Variants in CORO2B observed in about 807,000 individuals in gnomAD.
CORO2B encodes the protein coronin 2B.
A neutral mutation model predicts 58.8 loss-of-function variants in CORO2B; 26 were observed. That is an observed-to-expected ratio of 0.44 (90% CI 0.32 to 0.61). The LOEUF is 0.61. Ranked by LOEUF, CORO2B falls within the 20% of genes least tolerant of loss-of-function variation. The probability of loss-of-function intolerance (pLI) is 0.04; values close to 1 mark genes in which losing one functional copy is unlikely to be tolerated. For missense variants in CORO2B, 460 were observed against 645.1 expected (o/e 0.71, Z 3.11); for synonymous variants, 242 against 253.8 (o/e 0.95, Z 0.44).
At chr15:68,592,542 G>A (rs1325403519) in intron 1 of CORO2B, among the ~76,000 whole-genome samples, 1 of 152,142 alleles carries the variant, frequency 6.6e-6, no homozygotes, top group Admixed American at 6.5e-5. Context: ...TAAGATTTGT[G>A]CACTGTAGGC....
chr15:68,655,034 G>A (rs915566751), intron 2 of CORO2B, among the ~76,000 whole-genome samples: 1 of 152,180 alleles, frequency 6.6e-6, no homozygotes. Context: ...CTGGGTGCCT[G>A]GAGATGGGGG....
At chr15:68,684,547 A>C (rs1193938355) in intron 2 of CORO2B, among the ~76,000 whole-genome samples, 1 of 152,236 alleles carries the variant, frequency 6.6e-6, no homozygotes, top group Admixed American at 6.5e-5. Context: ...TGTTGCGGAC[A>C]GTCACTGGAA....
intron 2 of CORO2B, among the ~76,000 whole-genome samples, chr15:68,669,517 G>C (rs77091661): frequency 0.021 from 3,221 of 152,248 alleles, 51 homozygotes; most frequent in African/African-American, 0.042. Context: ...ATGCATGAGT[G>C]GGCCAGGGCT....
the CORO2B span, among the ~76,000 whole-genome samples, chr15:68,560,404 C>G: frequency 6.6e-6 from 1 of 151,998 alleles, no homozygotes; most frequent in Admixed American, 6.5e-5. Context: ...AAGCGATCCT[C>G]CCACCCCAGT....
At chr15:68,568,211 G>T in the CORO2B span, among the ~76,000 whole-genome samples, 1 of 152,082 alleles carries the variant, frequency 6.6e-6, no homozygotes, top group East Asian at 1.9e-4. Context: ...ACTGACCAGC[G>T]GTATGACCCA....
intron 1 of CORO2B, among the ~76,000 whole-genome samples, chr15:68,635,851 T>C (rs1455917315): frequency 6.6e-6 from 1 of 152,218 alleles, no homozygotes; most frequent in Non-Finnish European, 1.5e-5. Context: ...TGCTCTTCCT[T>C]GTCTCTGCCC....
intron 6 of CORO2B, 46 bp from the exon 7 acceptor site, chr15:68,714,513 T>C: frequency 6.8e-7 from 1 of 1,470,828 alleles, no homozygotes. Flanking sequence ...GGGAGGGGTA[T>C]GCCATCCTGC....
intron 1 of CORO2B, among the ~76,000 whole-genome samples, chr15:68,640,691 G>C (rs954524792): frequency 6.6e-6 from 1 of 152,160 alleles, no homozygotes; most frequent in Non-Finnish European, 1.5e-5. Context: ...ACTGAGGAAT[G>C]GTCAGTTTTC....
At chr15:68,617,547 A>G (rs1015041345) in intron 1 of CORO2B, among the ~76,000 whole-genome samples, 2 of 152,186 alleles carry the variant, frequency 1.3e-5, no homozygotes, top group Middle Eastern at 3.4e-3. Flanking sequence ...GTCTGTGACT[A>G]TATATGTGTG....
chr15:68,609,286 C>T (rs1193686116), intron 1 of CORO2B, among the ~76,000 whole-genome samples: 1 of 152,172 alleles, frequency 6.6e-6, no homozygotes, highest in Non-Finnish European at 1.5e-5. Context: ...TTGTCCTGCC[C>T]CATTCATTGT....
At chr15:68,713,309 G>A (rs8026807) in intron 5 of CORO2B, among the ~76,000 whole-genome samples, 6,501 of 152,222 alleles carry the variant, frequency 0.043, 444 homozygotes, top group African/African-American at 0.14. Flanking sequence ...CTCCTGAAGT[G>A]GTGTAGCCCC....
the CORO2B span, among the ~76,000 whole-genome samples, chr15:68,549,020 TCTC>T: frequency 6.6e-6 from 1 of 152,176 alleles, no homozygotes; most frequent in African/African-American, 2.4e-5. Context: ...AGAAATTCTT[TCTC>T]CTCTTTCCCA....
chr15:68,605,274 C>T (rs906811883), intron 1 of CORO2B, among the ~76,000 whole-genome samples: 2 of 152,134 alleles, frequency 1.3e-5, no homozygotes, highest in South Asian at 2.1e-4. Context: ...AGCAATTTGG[C>T]AACAGACACC....
chr15:68,681,807 A>G (rs1332688631), intron 2 of CORO2B, among the ~76,000 whole-genome samples: 1 of 152,196 alleles, frequency 6.6e-6, no homozygotes, highest in African/African-American at 2.4e-5. Context: ...TGTCTCTGAA[A>G]AGCGGAGACA....
intron 2 of CORO2B, among the ~76,000 whole-genome samples, chr15:68,660,567 C>T (rs559962420): frequency 6.6e-6 from 1 of 152,212 alleles, no homozygotes; most frequent in South Asian, 2.1e-4. Context: ...GATGGGGTTT[C>T]ACCATGTTGT....
At chr15:68,703,160 T>G (rs1339818643) in intron 3 of CORO2B, among the ~76,000 whole-genome samples, 3 of 143,336 alleles carry the variant, frequency 2.1e-5, no homozygotes, top group African/African-American at 7.7e-5. Flanking sequence ...CTTTTTTTTT[T>G]TTTTTTTTTG....
chr15:68,578,483 G>A (rs1390374573), upstream of CORO2B, among the ~76,000 whole-genome samples: 1 of 152,198 alleles, frequency 6.6e-6, no homozygotes, highest in Non-Finnish European at 1.5e-5. This position sits in a 1 kb window ranked among gnomAD's most constrained non-coding sequence, Gnocchi z 4.2. Context: ...AATCCGTCTG[G>A]CCACCCTGTG....
At chr15:68,651,337 G>A (rs1595990443) in intron 2 of CORO2B, among the ~76,000 whole-genome samples, 2 of 152,238 alleles carry the variant, frequency 1.3e-5, no homozygotes, top group East Asian at 3.8e-4. Context: ...GCGGGGAGAG[G>A]GAGGCAGTCA....
Position 68,713,983 on chromosome 15 carries a change from G to A in CORO2B, c.707G>A (p.Arg236Gln), listed in dbSNP as rs553808342. Residue 236 changes from arginine (R) to glutamine (Q), a missense_variant, in exon 6 of 12, where the codon CGG becomes CAG. This residue lies in a region of CORO2B where 352 missense variants were observed against 543.0 expected (regional missense o/e 0.65). Transcript: ENST00000261861. ...NRVVFLGNMK[R>Q]LLTTGVSRWN... ...GTGGTGTTCCTGGGGAACATGAAGC[G>A]GCTCCTCACGACAGGGGTCTCCAGG... The A allele has an allele frequency of 6.5e-5, 105 of 1,614,076 alleles. No individual in the cohort carries two copies. The highest frequency in any genetic ancestry group is 1.7e-4 in the Middle Eastern group (1 of 6,058).
Sources: gnomAD v4.1 joint callset for allele counts (sites outside exome capture counted in the v4.1 genomes callset) on GRCh38, gnomAD v4.1.1 for gene constraint, gnomAD v4.1.1 regional missense constraint, Gnocchi (gnomAD v3.1) non-coding constraint, MANE v1.5 for transcripts, NCBI Gene and HGNC (gene_info 2026-07-23, HGNC 2026-07-21) for gene names.